TRABD2B: variants seen among roughly 807,000 people sequenced by gnomAD.
TRABD2B encodes the protein metalloprotease TIKI2.
A neutral mutation model predicts 40.1 loss-of-function variants in TRABD2B; 14 were observed. The observed-to-expected ratio is 0.35, with a 90% CI of 0.23 to 0.55. The LOEUF (loss-of-function observed/expected upper bound fraction) is 0.55. Among genes scored for constraint, TRABD2B ranks in the 20% least tolerant of loss-of-function variants. The pLI, the probability that TRABD2B is intolerant of heterozygous loss-of-function variation, is 0.90. For missense variants in TRABD2B, 541 were observed against 648.6 expected, an observed-to-expected ratio of 0.83 and a Z score of 1.80; for synonymous variants, 263 against 277.0, an observed-to-expected ratio of 0.95 and a Z score of 0.50.
chr1:47,820,054 GCACTGAC>G (rs1645085258), intron 2 of TRABD2B: 1 of 152,246 alleles, frequency 6.6e-6, no homozygotes, highest in African/African-American at 2.4e-5. Context: ...ACAGCACATA[GCACTGAC>G]CACCTTCTAA....
chr1:47,910,614 A>C (rs909096858), intron 2 of TRABD2B, among the ~76,000 whole-genome samples: 1 of 152,130 alleles, frequency 6.6e-6, no homozygotes, highest in African/African-American at 2.4e-5. Flanking sequence ...AGTCCAGGAC[A>C]CTTCTTGAAG....
intron 2 of TRABD2B, among the ~76,000 whole-genome samples, chr1:47,952,584 C>T (rs1645361158): frequency 6.6e-6 from 1 of 152,182 alleles, no homozygotes. Context: ...CCTTCCCTGA[C>T]ACTCGAAGGC....
At chr1:47,978,094 G>C (rs568064389) in intron 2 of TRABD2B, among the ~76,000 whole-genome samples, 1 of 152,250 alleles carries the variant, frequency 6.6e-6, no homozygotes, top group African/African-American at 2.4e-5. Context: ...TCCCCAATGT[G>C]ACGGTATTAG....
chr1:47,978,625 G>A (rs1349355931), intron 2 of TRABD2B, among the ~76,000 whole-genome samples: 2 of 152,142 alleles, frequency 1.3e-5, no homozygotes, highest in East Asian at 3.9e-4. Flanking sequence ...GAGAGTGTGT[G>A]TTCCTACGAA....
intron 2 of TRABD2B, among the ~76,000 whole-genome samples, chr1:47,973,275 T>C (rs979232422): frequency 4.6e-5 from 7 of 152,186 alleles, no homozygotes; most frequent in Admixed American, 3.3e-4. Context: ...TGGCAACTGG[T>C]GTGCACTTTA....
intron 2 of TRABD2B, among the ~76,000 whole-genome samples, chr1:47,966,410 G>A (rs1160540998): frequency 2.6e-5 from 4 of 152,170 alleles, no homozygotes; most frequent in Non-Finnish European, 5.9e-5. Flanking sequence ...GAGGAGGTGA[G>A]AAGGGACATA....
chr1:47,974,129 T>C (rs1203720059), intron 2 of TRABD2B, among the ~76,000 whole-genome samples: 1 of 151,992 alleles, frequency 6.6e-6, no homozygotes, highest in Non-Finnish European at 1.5e-5. Context: ...AAAAAGTAAA[T>C]TAGATCACCT....
chr1:47,892,140 G>A (rs953465459), intron 2 of TRABD2B, among the ~76,000 whole-genome samples: 8 of 152,242 alleles, frequency 5.3e-5, no homozygotes, highest in Non-Finnish European at 1.2e-4. Context: ...CGCAATTGTG[G>A]TGGTGGCTGA....
intron 2 of TRABD2B, among the ~76,000 whole-genome samples, chr1:47,876,711 G>T (rs1644230096): frequency 1.3e-5 from 2 of 152,242 alleles, no homozygotes; most frequent in African/African-American, 4.8e-5. Flanking sequence ...GCTGGGAGGG[G>T]TTCCGGGAGG....
chr1:47,801,174 T>C (rs551850066), intron 3 of TRABD2B, among the ~76,000 whole-genome samples: 1 of 152,176 alleles, frequency 6.6e-6, no homozygotes, highest in Non-Finnish European at 1.5e-5. Flanking sequence ...TCCCCAGATG[T>C]AGAACTGAAC....
At chr1:47,916,186 A>C (rs1396502527) in intron 2 of TRABD2B, among the ~76,000 whole-genome samples, 1 of 152,044 alleles carries the variant, frequency 6.6e-6, no homozygotes, top group Non-Finnish European at 1.5e-5. Context: ...ATGCAGTCTC[A>C]GCAGCAGACG....
intron 2 of TRABD2B, among the ~76,000 whole-genome samples, chr1:47,810,765 G>C (rs939867284): frequency 6.6e-6 from 1 of 152,228 alleles, no homozygotes; most frequent in African/African-American, 2.4e-5. Context: ...AAACCTTTAG[G>C]GGAAGAGAGG....
chr1:47,977,924 T>A (rs978701059), intron 2 of TRABD2B, among the ~76,000 whole-genome samples: 1 of 151,936 alleles, frequency 6.6e-6, no homozygotes, highest in Non-Finnish European at 1.5e-5. Flanking sequence ...TCAATTTACA[T>A]CTCTGGGTTT....
chr1:47,843,196 G>A (rs765670877), intron 2 of TRABD2B, among the ~76,000 whole-genome samples: 8 of 152,146 alleles, frequency 5.3e-5, no homozygotes, highest in Non-Finnish European at 1.0e-4. Context: ...GGGAGCCACT[G>A]GAGGGTTTTA....
At chr1:47,956,791 T>C (rs977059218) in intron 2 of TRABD2B, among the ~76,000 whole-genome samples, 1 of 152,232 alleles carries the variant, frequency 6.6e-6, no homozygotes, top group Non-Finnish European at 1.5e-5. Context: ...AGGGTATAGC[T>C]GAACAAAAGG....
intron 2 of TRABD2B, among the ~76,000 whole-genome samples, chr1:47,832,666 G>T (rs1374545463): frequency 6.6e-6 from 1 of 152,164 alleles, no homozygotes; most frequent in Non-Finnish European, 1.5e-5. Flanking sequence ...TAATAGTAGG[G>T]ACTAACATTA....
At chr1:47,899,214 T>C (rs1034495806) in intron 2 of TRABD2B, among the ~76,000 whole-genome samples, 2 of 152,182 alleles carry the variant, frequency 1.3e-5, no homozygotes, top group African/African-American at 4.8e-5. Flanking sequence ...GATCTTCTGC[T>C]TGCCCCACAG....
At chr1:47,804,311 C>A (rs1238677933) in intron 2 of TRABD2B, among the ~76,000 whole-genome samples, 5 of 152,252 alleles carry the variant, frequency 3.3e-5, no homozygotes, top group Non-Finnish European at 7.3e-5. Flanking sequence ...TCACAGGAGG[C>A]AGTGGCCCTG....
At chr1:47,995,523 CGTGT>C (rs1015285272) in intron 1 of TRABD2B, among the ~76,000 whole-genome samples, 3 of 149,902 alleles carry the variant, frequency 2.0e-5, no homozygotes, top group Non-Finnish European at 3.0e-5. Context: ...TGTGTGTGCG[CGTGT>C]GTGTGTATGT....
Sources: gnomAD v4.1 joint callset for allele counts (sites outside exome capture counted in the v4.1 genomes callset) on GRCh38, gnomAD v4.1.1 for gene constraint, MANE v1.5 for transcripts, NCBI Gene and HGNC (gene_info 2026-07-23, HGNC 2026-07-21) for gene names.